Variants in NCEH1 observed in about 807,000 individuals in gnomAD.
NCEH1 encodes 2-acetyl MAGE hydrolase.
Under a neutral mutation model 25.4 loss-of-function variants are expected in NCEH1, and 9 were observed. The ratio of observed to expected loss-of-function variants is 0.35; its 90% CI spans 0.21 to 0.62. The LOEUF (loss-of-function observed/expected upper bound fraction) is 0.62. Among genes scored for constraint, NCEH1 ranks in the 20% least tolerant of loss-of-function variants. The pLI, the probability that NCEH1 is intolerant of heterozygous loss-of-function variation, is 0.72. For synonymous variants in NCEH1, 200 were observed against 199.8 expected (o/e 1.00, Z -0.01); for missense variants, 412 against 501.1 (o/e 0.82, Z 1.70).
At chr3:172,700,362 G>A (rs553230963) in intron 1 of NCEH1, among the ~76,000 whole-genome samples, 4 of 152,010 alleles carry the variant, frequency 2.6e-5, no homozygotes, top group South Asian at 4.2e-4. Context: ...AATTGTGGGA[G>A]CTCAAAAAAA....
In NCEH1 at chr3:172,633,965, T is replaced by C; in HGVS notation, c.737A>G (p.Tyr246Cys). ...QNVNTPILPRYVMVKYWVDYF... is the reference protein window; with the variant it reads ...QNVNTPILPRCVMVKYWVDYF... Reference sequence around the variant, plus strand: ...GTCCACCCAATACTTCACCATGACATAGCGGGGCAGGATTGGGGTGTTCAC... The same window carrying C: ...GTCCACCCAATACTTCACCATGACACAGCGGGGCAGGATTGGGGTGTTCAC... Residue 246 changes from tyrosine to cysteine, a missense_variant, in exon 5 of 5, where the codon TAT (tyrosine) becomes TGT (cysteine). This residue lies in a region of NCEH1 where 210 missense variants were observed against 258.2 expected (regional missense o/e 0.81). Transcript: ENST00000475381. The C allele has an allele frequency of 1.9e-6, 3 of 1,614,228 alleles. No homozygotes were observed. Among genetic ancestry groups the C allele is most frequent in the African/African-American group, 1.3e-5 (1 of 75,050 alleles).
intron 1 of NCEH1, among the ~76,000 whole-genome samples, chr3:172,704,951 A>C (rs114550606): frequency 0.017 from 2,560 of 152,344 alleles, 75 homozygotes; most frequent in African/African-American, 0.059. Flanking sequence ...CCATAGCTTC[A>C]CACAGGATTT....
At chr3:172,646,468 A>G (rs1286412647) in intron 2 of NCEH1, among the ~76,000 whole-genome samples, 1 of 152,254 alleles carries the variant, frequency 6.6e-6, no homozygotes, top group Non-Finnish European at 1.5e-5. Flanking sequence ...GTAAAAAACT[A>G]GAATTTTAGG....
At position 172,683,169 on chromosome 3, in the gene NCEH1, CGAGGCGGGCGGATCACGAGGT is replaced by C. The variant is rs1560201089; in HGVS notation, c.138+27657_138+27677del. Among the ~76,000 whole-genome samples the C allele has an allele frequency of 3.1e-4, 20 of 64,560 alleles. 1 individual carries two copies. Among genetic ancestry groups the C allele is most frequent in the African/African-American group, 3.6e-4 (5 of 13,772 alleles). 42.4% of individuals were successfully genotyped at this position (64,560 alleles called of 152,430 possible). ...CTGTAATCCCAGCACTTTGGGAGGC[CGAGGCGGGCGGATCACGAGGT>C]CAGGAGATCGAGACCATCCCAGCTA... On this transcript the variant is annotated intron_variant, in intron 1 of 4. Coordinates refer to ENST00000475381, the MANE Select transcript of NCEH1 (RefSeq NM_020792.6).
At chr3:172,647,721 G>A in intron 2 of NCEH1, 165 bp downstream of exon 2, 4 of 808,972 alleles carry the variant, frequency 4.9e-6, no homozygotes, top group East Asian at 5.4e-5. Flanking sequence ...AGTGAAAAGG[G>A]GGCACTAGTC....
At chr3:172,655,179 T>C (rs994266830) in intron 1 of NCEH1, among the ~76,000 whole-genome samples, 8 of 152,184 alleles carry the variant, frequency 5.3e-5, no homozygotes, top group Non-Finnish European at 1.2e-4. Flanking sequence ...CACAGAATTG[T>C]GTTAAGGGCC....
chr3:172,668,470 T>C (rs1171027621), intron 1 of NCEH1, among the ~76,000 whole-genome samples: 1 of 145,404 alleles, frequency 6.9e-6, no homozygotes, highest in African/African-American at 2.5e-5. Context: ...TTCTCCTGCC[T>C]CAGCCTCCTG....
At chr3:172,670,844 GA>G (rs1350381995) in intron 1 of NCEH1, among the ~76,000 whole-genome samples, 5 of 151,978 alleles carry the variant, frequency 3.3e-5, no homozygotes, top group Non-Finnish European at 7.4e-5. Flanking sequence ...CCTATTTTAT[GA>G]AAATTTCATA....
chr3:172,666,211 C>CA (rs1323538905), intron 1 of NCEH1, among the ~76,000 whole-genome samples: 20 of 152,336 alleles, frequency 1.3e-4, no homozygotes, highest in Middle Eastern at 3.4e-3. Context: ...CCCAATATGG[C>CA]AACTCCTGCC....
At chr3:172,634,672 G>A (rs960251759) in intron 4 of NCEH1, among the ~76,000 whole-genome samples, 5 of 152,164 alleles carry the variant, frequency 3.3e-5, no homozygotes, top group Admixed American at 3.3e-4. Flanking sequence ...TCATGGGAAT[G>A]TGAATGAATC....
chr3:172,630,958 A>G lies in NCEH1; in HGVS notation c.*2517T>C, dbSNP rs937995505. On this transcript the variant is annotated 3_prime_UTR_variant, in exon 5 of 5. Coordinates refer to ENST00000475381, the MANE Select transcript of NCEH1 (RefSeq NM_020792.6). ...ATATATTAATGTTTATATTTCACAG[A>G]CAATTTTACAAAAAGATTATCATTT... is the stretch of plus-strand genomic sequence containing the variant. 2 of 101,296 alleles carry G rather than the reference A, an allele frequency of 2.0e-5. No individual in the cohort carries two copies. The highest frequency in any genetic ancestry group is 3.0e-5 in the African/African-American group (1 of 33,342). The allele number at this position is 101,296 out of a possible 1,614,324, so 6.3% of individuals were successfully genotyped here.
intron 1 of NCEH1, among the ~76,000 whole-genome samples, chr3:172,649,761 A>G (rs1477335246): frequency 2.0e-5 from 3 of 152,258 alleles, no homozygotes; most frequent in Non-Finnish European, 4.4e-5. Context: ...TTATCAATTA[A>G]TAGGGAACAT....
At chr3:172,652,527 A>C (rs561863403) in intron 1 of NCEH1, among the ~76,000 whole-genome samples, 2 of 152,318 alleles carry the variant, frequency 1.3e-5, no homozygotes, top group African/African-American at 4.8e-5. Flanking sequence ...GATCCTCCAA[A>C]ACCTAAAAGC....
intron 3 of NCEH1, among the ~76,000 whole-genome samples, chr3:172,642,603 CAAAAAAAA>C (rs66551744): frequency 8.9e-4 from 75 of 83,904 alleles, no homozygotes; most frequent in African/African-American, 2.9e-3. Context: ...GCTATTTCTA[CAAAAAAAA>C]AAAAAAAAAA....
At chr3:172,655,641 C>G (rs749121560) in intron 1 of NCEH1, among the ~76,000 whole-genome samples, 3 of 152,216 alleles carry the variant, frequency 2.0e-5, no homozygotes, top group Non-Finnish European at 4.4e-5. Flanking sequence ...TCAAAGTCCG[C>G]TTTCCTATTC....
chr3:172,647,495 A>C (rs548534153), intron 2 of NCEH1, among the ~76,000 whole-genome samples: 4 of 152,364 alleles, frequency 2.6e-5, no homozygotes, highest in African/African-American at 9.6e-5. Flanking sequence ...TTGGCAAAAG[A>C]AGCACAGATA....
intron 1 of NCEH1, among the ~76,000 whole-genome samples, chr3:172,694,506 C>T (rs1713253387): frequency 1.3e-5 from 2 of 152,144 alleles, no homozygotes; most frequent in Admixed American, 6.5e-5. Context: ...TATATTTTGA[C>T]TATTTCTTGT....
chr3:172,701,449 C>CTTTTTTTTTTTTTTTTTTTTTTTT (rs10701435), intron 1 of NCEH1, among the ~76,000 whole-genome samples: 1 of 110,938 alleles, frequency 9.0e-6, no homozygotes, highest in African/African-American at 4.1e-5. Flanking sequence ...GGTCTTTTGC[C>CTTTTTTTTTTTTTTTTTTTTTTTT]TTTTTTTTTT....
At chr3:172,653,006 C>T (rs1013594715) in intron 1 of NCEH1, among the ~76,000 whole-genome samples, 1 of 152,094 alleles carries the variant, frequency 6.6e-6, no homozygotes, top group African/African-American at 2.4e-5. Context: ...CACCCAGCCT[C>T]CTGAAACCTC....
Sources: gnomAD v4.1 joint callset for allele counts (sites outside exome capture counted in the v4.1 genomes callset) on GRCh38, gnomAD v4.1.1 for gene constraint, gnomAD v4.1.1 regional missense constraint, MANE v1.5 for transcripts, NCBI Gene and HGNC (gene_info 2026-07-23, HGNC 2026-07-21) for gene names.